MYO1E: variants seen among roughly 807,000 people sequenced by gnomAD.
MYO1E encodes myosin IE, also known as unconventional myosin-Ie.
A neutral mutation model predicts 151.1 loss-of-function variants in MYO1E; 68 were observed. That is an observed-to-expected ratio of 0.45 (90% CI 0.37 to 0.55). The LOEUF is 0.55. Ranked by LOEUF, MYO1E falls within the 20% of genes least tolerant of loss-of-function variation. The pLI, the probability that MYO1E is intolerant of heterozygous loss-of-function variation, is 0.00. For missense variants in MYO1E, 1,363 were observed against 1,389.3 expected (o/e 0.98, Z 0.30); for synonymous variants, 601 against 501.7 (o/e 1.20, Z -2.64).
intron 22 of MYO1E, among the ~76,000 whole-genome samples, chr15:59,170,307 G>T (rs1052464936): frequency 6.6e-6 from 1 of 152,180 alleles, no homozygotes; most frequent in African/African-American, 2.4e-5. Flanking sequence ...AGTCACTCTC[G>T]GCACAGCGAC....
chr15:59,260,540 T>G (rs973625975), intron 3 of MYO1E, among the ~76,000 whole-genome samples: 1 of 152,176 alleles, frequency 6.6e-6, no homozygotes, highest in African/African-American at 2.4e-5. Flanking sequence ...AGGAAAAAGA[T>G]GCAGAGATGG....
chr15:59,210,804 C>T (rs1442772783), intron 12 of MYO1E, among the ~76,000 whole-genome samples: 2 of 152,114 alleles, frequency 1.3e-5, no homozygotes. Flanking sequence ...TTAGTTTGAA[C>T]CCTATGAAAT....
chr15:59,172,029 T>A lies in MYO1E; in HGVS notation c.2348A>T (p.Asp783Val). ...CAAGCACTTTGGGGTAAGGAGCAGG[T>A]CTCGCTTTACACCCTGTAAGGAGAG... Reference protein sequence around the residue: ...YDRRFKGVKRDLLLTPKCLYL... With the variant: ...YDRRFKGVKRVLLLTPKCLYL... The change falls in exon 22 of 28, where the codon GAC (aspartate) becomes GTC (valine). Residue 783 changes from aspartate to valine, a missense_variant. Coordinates refer to ENST00000288235, the MANE Select transcript of MYO1E (RefSeq NM_004998.4). The A allele has an allele frequency of 6.2e-7, 1 of 1,614,066 alleles. No homozygotes were observed. The highest frequency in any genetic ancestry group is 8.5e-7 in the Non-Finnish European group (1 of 1,180,012).
At chr15:59,316,890 G>T (rs1296999179) in intron 1 of MYO1E, among the ~76,000 whole-genome samples, 1 of 152,160 alleles carries the variant, frequency 6.6e-6, no homozygotes, top group Non-Finnish European at 1.5e-5. Flanking sequence ...GTGAAAGTTG[G>T]TATTAGTAAG....
intron 14 of MYO1E, chr15:59,207,395 G>T: frequency 6.2e-7 from 1 of 1,614,038 alleles, no homozygotes; most frequent in Non-Finnish European, 8.5e-7. Context: ...CAAGAAAAGG[G>T]AGAAACGCGC....
intron 17 of MYO1E, among the ~76,000 whole-genome samples, chr15:59,195,200 T>C (rs1486702394): frequency 1.3e-5 from 2 of 148,466 alleles, no homozygotes; most frequent in African/African-American, 4.9e-5. Flanking sequence ...TTATGTTTTG[T>C]TTTTTTTCCA....
At chr15:59,231,392 G>T (rs1174622759) in intron 6 of MYO1E, among the ~76,000 whole-genome samples, 1 of 152,168 alleles carries the variant, frequency 6.6e-6, no homozygotes. Flanking sequence ...TGGGAAAGAA[G>T]GTCTTTTCTC....
chr15:59,283,331 TTCCCACTGTC>T (rs1356230735), intron 1 of MYO1E, among the ~76,000 whole-genome samples: 3 of 152,198 alleles, frequency 2.0e-5, no homozygotes, highest in Non-Finnish European at 4.4e-5. Context: ...AGTACCTACA[TTCCCACTGTC>T]CCCCAGCTTA....
intron 1 of MYO1E, among the ~76,000 whole-genome samples, chr15:59,343,355 T>G (rs142181085): frequency 6.6e-6 from 1 of 152,238 alleles, no homozygotes; most frequent in East Asian, 1.9e-4. Flanking sequence ...CTGTACAGTT[T>G]CCACTGAAAA....
At chr15:59,271,890 A>G (rs1317246527) in intron 2 of MYO1E, among the ~76,000 whole-genome samples, 6 of 152,250 alleles carry the variant, frequency 3.9e-5, no homozygotes, top group Non-Finnish European at 8.8e-5. Context: ...GAGCATGTCA[A>G]AGGGACGATA....
chr15:59,268,714 T>G (rs2080270755), intron 2 of MYO1E, among the ~76,000 whole-genome samples: 1 of 135,446 alleles, frequency 7.4e-6, no homozygotes, highest in South Asian at 2.5e-4. Flanking sequence ...TCTGGGTGAC[T>G]TTGGTATTTT....
intron 2 of MYO1E, among the ~76,000 whole-genome samples, chr15:59,262,030 C>T (rs1043921470): frequency 1.3e-5 from 2 of 151,866 alleles, no homozygotes; most frequent in Non-Finnish European, 2.9e-5. Context: ...GGTGAAACTC[C>T]GTCTCTACTA....
chr15:59,294,249 T>C (rs1451061624), intron 1 of MYO1E, among the ~76,000 whole-genome samples: 2 of 152,204 alleles, frequency 1.3e-5, no homozygotes, highest in Non-Finnish European at 2.9e-5. Context: ...TTCTATCTCA[T>C]GATCGTGCCC....
intron 4 of MYO1E, among the ~76,000 whole-genome samples, chr15:59,240,543 T>C (rs8027055): frequency 0.25 from 38,199 of 152,192 alleles, 5,100 homozygotes; most frequent in African/African-American, 0.33. Context: ...TAAAAGTCAA[T>C]AGTATTTTCT....
chr15:59,351,085 G>C (rs2080820790), intron 1 of MYO1E, among the ~76,000 whole-genome samples: 1 of 152,132 alleles, frequency 6.6e-6, no homozygotes, highest in Non-Finnish European at 1.5e-5. Flanking sequence ...ATTTTTAGTA[G>C]ACACAGGGTT....
chr15:59,173,941 G>A, intron 20 of MYO1E, 26 bp from the exon 21 acceptor site: 1 of 1,611,816 alleles, frequency 6.2e-7, no homozygotes, highest in Non-Finnish European at 8.5e-7. Context: ...GGGTCAAGAT[G>A]GAAGAAGGAT....
At chr15:59,318,012 T>C (rs551854910) in intron 1 of MYO1E, among the ~76,000 whole-genome samples, 2 of 152,312 alleles carry the variant, frequency 1.3e-5, no homozygotes, top group African/African-American at 4.8e-5. Context: ...CCTGGTTCTC[T>C]AGTTCAGTGG....
chr15:59,143,949 A>G (rs2140301319), intron 26 of MYO1E, among the ~76,000 whole-genome samples: 1 of 152,328 alleles, frequency 6.6e-6, no homozygotes, highest in South Asian at 2.1e-4. Context: ...CTTCTCCAGA[A>G]CATGGGTCAA....
At chr15:59,299,295 C>T (rs1376386925) in intron 1 of MYO1E, among the ~76,000 whole-genome samples, 1 of 152,186 alleles carries the variant, frequency 6.6e-6, no homozygotes, top group African/African-American at 2.4e-5. Context: ...CTGGTAGTGC[C>T]CTCCAAAATT....
Sources: allele counts gnomAD v4.1 joint callset (sites outside exome capture counted in the v4.1 genomes callset), GRCh38; gene constraint gnomAD v4.1.1; transcripts MANE v1.5; gene names NCBI Gene and HGNC (gene_info 2026-07-23, HGNC 2026-07-21).